The following DEFB119 variants were observed in gnomAD, a reference collection of about 807,000 sequenced individuals.
DEFB119 encodes defensin beta 119.
DEFB119 carries 3 observed loss-of-function variants against 2.5 expected under a neutral mutation model. That is an observed-to-expected ratio of 1.19 (90% CI 0.54 to 3.07). The LOEUF (loss-of-function observed/expected upper bound fraction) is 3.07. Ranked by LOEUF, DEFB119 falls within the 30% of genes most tolerant of loss-of-function variation. The probability of loss-of-function intolerance (pLI) is 0.03; values close to 1 mark genes in which losing one functional copy is unlikely to be tolerated. For missense variants in DEFB119, 113 were observed against 101.1 expected, an observed-to-expected ratio of 1.12 and a Z score of -0.50; for synonymous variants, 29 against 33.7, an observed-to-expected ratio of 0.86 and a Z score of 0.48.
At chr20:31,389,025 C>A in intron 1 of DEFB119, 1 of 1,613,706 alleles carries the variant, frequency 6.2e-7, no homozygotes. Flanking sequence ...AAAGTCATTT[C>A]TATCTATTAG....
chr20:31,384,253 T>C (rs2122301990), intron 1 of DEFB119, among the ~76,000 whole-genome samples: 1 of 152,310 alleles, frequency 6.6e-6, no homozygotes, highest in Non-Finnish European at 1.5e-5. Flanking sequence ...TTCACAATAA[T>C]TTATCGTACA....
chr20:31,378,248 A>G, intron 1 of DEFB119: 1 of 1,552,036 alleles, frequency 6.4e-7, no homozygotes, highest in Non-Finnish European at 8.9e-7. Flanking sequence ...TAACAGGGCC[A>G]CCACTCCCTG....
chr20:31,383,232 T>C (rs1431732363), intron 1 of DEFB119, among the ~76,000 whole-genome samples: 3 of 152,144 alleles, frequency 2.0e-5, no homozygotes, highest in African/African-American at 7.2e-5. Context: ...TGTGCTGTTC[T>C]TGGGATAGTG....
chr20:31,390,367 GA>G, intron 1 of DEFB119, 55 bp downstream of exon 1: 1 of 1,525,070 alleles, frequency 6.6e-7, no homozygotes, highest in Non-Finnish European at 9.1e-7. Flanking sequence ...AGAGGGAAGG[GA>G]AAGACGGGAA....
At chr20:31,390,277 G>T (rs558460551) in intron 1 of DEFB119, 146 bp downstream of exon 1, 12 of 786,492 alleles carry the variant, frequency 1.5e-5, no homozygotes, top group South Asian at 4.5e-5. Flanking sequence ...ATCAGAGAGA[G>T]ATATTAACTT....
intron 1 of DEFB119, among the ~76,000 whole-genome samples, chr20:31,382,058 GGT>G: frequency 6.6e-6 from 1 of 151,594 alleles, no homozygotes; most frequent in East Asian, 1.9e-4. Flanking sequence ...TGGTCATGAT[GGT>G]GGTTACATCT....
chr20:31,389,228 C>A, intron 1 of DEFB119: 3 of 1,614,110 alleles, frequency 1.9e-6, no homozygotes, highest in Non-Finnish European at 2.5e-6. Flanking sequence ...ATCCAACACT[C>A]TACTTTGGGG....
At chr20:31,377,508 G>A in intron 1 of DEFB119, 69 bp from the exon 2 acceptor site, 1 of 1,519,612 alleles carries the variant, frequency 6.6e-7, no homozygotes, top group Non-Finnish European at 8.9e-7. Context: ...AAGTCGGGAA[G>A]CATCATAAAA....
chr20:31,386,262 TG>T (rs1653775046), intron 1 of DEFB119, among the ~76,000 whole-genome samples: 1 of 152,078 alleles, frequency 6.6e-6, no homozygotes, highest in African/African-American at 2.4e-5. Flanking sequence ...GGGAGACCAG[TG>T]AGGAACCATT....
chr20:31,382,110 A>G (rs6058951), intron 1 of DEFB119, among the ~76,000 whole-genome samples: 143,415 of 152,256 alleles, frequency 0.94, 67,648 homozygotes, highest in East Asian at 1. Context: ...ACATATATTG[A>G]ACCAATATCA....
intron 1 of DEFB119, among the ~76,000 whole-genome samples, chr20:31,386,443 TAAAG>T (rs1986706984): frequency 6.6e-6 from 1 of 152,004 alleles, no homozygotes; most frequent in Non-Finnish European, 1.5e-5. Context: ...GATGAACGGA[TAAAG>T]AAAGTTTGCA....
chr20:31,387,749 G>A (rs1034120385), intron 1 of DEFB119, among the ~76,000 whole-genome samples: 1 of 152,118 alleles, frequency 6.6e-6, no homozygotes, highest in South Asian at 2.1e-4. Context: ...GCAGGCACAA[G>A]GTTTCTCTGG....
chr20:31,390,529 G>C lies in DEFB119; in HGVS notation c.-46C>G. On this transcript the variant is annotated 5_prime_UTR_variant, in exon 1 of 2. Transcript: ENST00000376321. ...GGAGGTGGCTGAGCTGCAGGGGAAG[G>C]AAATAGGGTTCCCTGCAGCACGGCA... 1 of 1,583,540 alleles carries C rather than the reference G, an allele frequency of 6.3e-7. No individual in the cohort carries two copies. Among genetic ancestry groups the C allele is most frequent in the Non-Finnish European group, 8.6e-7 (1 of 1,156,444 alleles).
At chr20:31,379,822 C>G (rs892289138) in intron 1 of DEFB119, among the ~76,000 whole-genome samples, 1 of 152,128 alleles carries the variant, frequency 6.6e-6, no homozygotes, top group East Asian at 1.9e-4. Flanking sequence ...CCTGCCACCA[C>G]GCCCAGCTAA....
intron 1 of DEFB119, among the ~76,000 whole-genome samples, chr20:31,381,681 C>T (rs959376096): frequency 1.3e-5 from 2 of 152,026 alleles, no homozygotes; most frequent in African/African-American, 4.8e-5. Flanking sequence ...TGTGGTGGCA[C>T]GCATTTGTAG....
intron 1 of DEFB119, chr20:31,388,425 T>C (rs966724916): frequency 1.6e-5 from 9 of 565,350 alleles, no homozygotes; most frequent in Admixed American, 6.0e-5. Context: ...GAGGTTTATA[T>C]GCAGAGTCTG....
intron 1 of DEFB119, among the ~76,000 whole-genome samples, chr20:31,385,339 C>T (rs1986652277): frequency 7.6e-6 from 1 of 131,972 alleles, no homozygotes; most frequent in African/African-American, 2.9e-5. Context: ...TTAGTACCTA[C>T]TTTGTATCAA....
intron 1 of DEFB119, among the ~76,000 whole-genome samples, chr20:31,378,599 C>A (rs112553698): frequency 0.034 from 5,218 of 152,266 alleles, 301 homozygotes; most frequent in African/African-American, 0.12. Context: ...CCTTTTACTT[C>A]TGAGTAATAT....
intron 1 of DEFB119, among the ~76,000 whole-genome samples, chr20:31,381,332 G>A: frequency 6.6e-6 from 1 of 152,072 alleles, no homozygotes; most frequent in Non-Finnish European, 1.5e-5. Context: ...GTTTTGTTTT[G>A]TTTGTAGATT....
Sources: allele counts gnomAD v4.1 joint callset (sites outside exome capture counted in the v4.1 genomes callset), GRCh38; gene constraint gnomAD v4.1.1; transcripts MANE v1.5; gene names NCBI Gene and HGNC (gene_info 2026-07-23, HGNC 2026-07-21).